Variants in GPHN observed in about 807,000 individuals in gnomAD.
GPHN encodes gephyrin.
Under a neutral mutation model 95.5 loss-of-function variants are expected in GPHN, and 17 were observed. The ratio of observed to expected loss-of-function variants is 0.18; its 90% CI spans 0.12 to 0.27. The LOEUF (loss-of-function observed/expected upper bound fraction) is 0.27, where lower values mean the gene tolerates loss of function less well. Among genes scored for constraint, GPHN ranks in the 10% least tolerant of loss-of-function variants. The pLI is 1.00. For synonymous variants in GPHN, 320 were observed against 322.5 expected, an observed-to-expected ratio of 0.99 and a Z score of 0.08; for missense variants, 660 against 978.1, an observed-to-expected ratio of 0.67 and a Z score of 4.34.
At chr14:67,384,672 T>C in the GPHN span, 3 of 152,190 alleles carry the variant, frequency 2.0e-5, no homozygotes, top group Non-Finnish European at 2.9e-5. Context: ...TAGAAGAGTG[T>C]GTTGGGCAGG....
intron 2 of GPHN, among the ~76,000 whole-genome samples, chr14:66,717,659 C>T (rs1441939766): frequency 4.6e-5 from 7 of 152,172 alleles, no homozygotes. Flanking sequence ...AGATCTAGGG[C>T]TGAAGTCTGT....
At chr14:67,423,419 C>T in the GPHN span, among the ~76,000 whole-genome samples, 1 of 152,126 alleles carries the variant, frequency 6.6e-6, no homozygotes, top group South Asian at 2.1e-4. Context: ...CTTCCCCAGT[C>T]CCTGGCACAG....
the GPHN span, among the ~76,000 whole-genome samples, chr14:67,239,397 G>T: frequency 6.6e-6 from 1 of 152,140 alleles, no homozygotes; most frequent in Non-Finnish European, 1.5e-5. Flanking sequence ...GTGGGTAGAG[G>T]CTGGGGATGC....
intron 1 of GPHN, among the ~76,000 whole-genome samples, chr14:66,578,610 T>C (rs112608139): frequency 6.6e-4 from 86 of 130,632 alleles, no homozygotes; most frequent in African/African-American, 2.2e-3. Context: ...ATTATGGCTA[T>C]CATTAGATTT....
the GPHN span, among the ~76,000 whole-genome samples, chr14:67,662,705 A>C: frequency 1.3e-5 from 2 of 152,082 alleles, no homozygotes; most frequent in Non-Finnish European, 2.9e-5. Flanking sequence ...GGAGTTCAAG[A>C]CCACCCTGGC....
chr14:66,983,668 AAAT>A, intron 9 of GPHN, among the ~76,000 whole-genome samples: 1 of 152,218 alleles, frequency 6.6e-6, no homozygotes, highest in Non-Finnish European at 1.5e-5. Context: ...GTCTCTATAT[AAAT>A]CAGTCTTATA....
At chr14:66,911,926 C>T (rs2065692408) in intron 5 of GPHN, among the ~76,000 whole-genome samples, 2 of 152,046 alleles carry the variant, frequency 1.3e-5, no homozygotes, top group Admixed American at 1.3e-4. Flanking sequence ...TGCAACCACC[C>T]TAATTCACCT....
chr14:66,765,980 C>G (rs1231050427), intron 2 of GPHN, among the ~76,000 whole-genome samples: 29 of 152,228 alleles, frequency 1.9e-4, no homozygotes, highest in Non-Finnish European at 1.0e-4. Flanking sequence ...AGCTAGAATA[C>G]ATAAAACAAT....
chr14:67,554,846 T>C, the GPHN span, among the ~76,000 whole-genome samples: 3 of 152,178 alleles, frequency 2.0e-5, no homozygotes, highest in Non-Finnish European at 4.4e-5. Context: ...TGGTGTAATA[T>C]CCAGAATTTC....
chr14:67,058,858 G>A (rs1171221355), intron 11 of GPHN, 72 bp downstream of exon 11: 7 of 1,258,886 alleles, frequency 5.6e-6, no homozygotes, highest in Non-Finnish European at 8.1e-6. Flanking sequence ...TAACATTAAT[G>A]CACAGTTTTC....
chr14:67,058,573 G>T (rs1272149405), intron 10 of GPHN, 76 bp from the exon 11 acceptor site: 6 of 1,257,570 alleles, frequency 4.8e-6, no homozygotes, highest in South Asian at 2.4e-5. Context: ...ATTGGGAGTT[G>T]TGATATTATA....
chr14:66,947,544 A>C (rs1239941601), intron 8 of GPHN, among the ~76,000 whole-genome samples: 1 of 152,198 alleles, frequency 6.6e-6, no homozygotes, highest in Non-Finnish European at 1.5e-5. Context: ...ATTTTGGTAA[A>C]TATATCCCAT....
the GPHN span, among the ~76,000 whole-genome samples, chr14:67,622,117 A>G: frequency 1.3e-5 from 2 of 152,148 alleles, no homozygotes; most frequent in Non-Finnish European, 2.9e-5. Flanking sequence ...CCTTTATGGC[A>G]GGAAGGTTCT....
intron 1 of GPHN, among the ~76,000 whole-genome samples, chr14:66,546,489 CTGAG>C (rs1441644302): frequency 2.6e-5 from 4 of 152,302 alleles, no homozygotes; most frequent in African/African-American, 4.8e-5. Flanking sequence ...ACATCGAGCA[CTGAG>C]TGAACCAGAC....
chr14:67,204,868 A>T, the GPHN span: 814 of 1,613,912 alleles, frequency 5.0e-4, 1 homozygote, highest in Non-Finnish European at 5.1e-4. Flanking sequence ...TGTCAGGGAC[A>T]GCATAGATTT....
At chr14:67,330,495 G>A in the GPHN span, among the ~76,000 whole-genome samples, 1 of 105,674 alleles carries the variant, frequency 9.5e-6, no homozygotes, top group Admixed American at 1.2e-4. Flanking sequence ...TTTCGCTCTT[G>A]TTGCCCAGGC....
intron 4 of GPHN, among the ~76,000 whole-genome samples, chr14:66,829,285 G>A (rs1041021824): frequency 6.6e-5 from 10 of 151,518 alleles, no homozygotes; most frequent in Non-Finnish European, 1.2e-4. Context: ...ACAGGGTTTC[G>A]CCACATTGGC....
chr14:67,509,421 C>T, the GPHN span, among the ~76,000 whole-genome samples: 6 of 152,146 alleles, frequency 3.9e-5, no homozygotes, highest in African/African-American at 1.2e-4. Flanking sequence ...CAGGTTCAAG[C>T]GATTCTCCTG....
intron 1 of GPHN, among the ~76,000 whole-genome samples, chr14:66,675,600 C>T (rs575147878): frequency 1.1e-4 from 17 of 152,026 alleles, no homozygotes; most frequent in Non-Finnish European, 2.1e-4. Context: ...TTTTGCTCTA[C>T]AGAAGCTTTT....
Sources: gnomAD v4.1 joint callset for allele counts (sites outside exome capture counted in the v4.1 genomes callset) on GRCh38, gnomAD v4.1.1 for gene constraint, MANE v1.5 for transcripts, NCBI Gene and HGNC (gene_info 2026-07-23, HGNC 2026-07-21) for gene names.